The following SLCO5A1 variants were observed in gnomAD, a reference collection of about 807,000 sequenced individuals.
The protein encoded by SLCO5A1 is solute carrier organic anion transporter family member 5A1.
In SLCO5A1, 39 loss-of-function variants were observed where a neutral mutation model predicts 65.1. The ratio of observed to expected loss-of-function variants is 0.60; its 90% confidence interval spans 0.46 to 0.78. SLCO5A1 has a LOEUF of 0.78. Ranked by LOEUF, SLCO5A1 falls within the 30% of genes least tolerant of loss-of-function variation. The probability of loss-of-function intolerance (pLI) is 0.00; values close to 1 mark genes in which losing one functional copy is unlikely to be tolerated. For synonymous variants in SLCO5A1, 438 were observed against 415.7 expected (o/e 1.05, Z -0.65); for missense variants, 1,029 against 1,069.4 (o/e 0.96, Z 0.53).
intron 2 of SLCO5A1, among the ~76,000 whole-genome samples, chr8:69,799,158 A>C (rs1332729130): frequency 2.0e-5 from 3 of 152,228 alleles, no homozygotes; most frequent in Non-Finnish European, 1.5e-5. Flanking sequence ...ACCTGTTTCA[A>C]GTCTGAGTTT....
At chr8:69,733,153 A>G (rs905405446) in intron 5 of SLCO5A1, among the ~76,000 whole-genome samples, 9 of 152,164 alleles carry the variant, frequency 5.9e-5, no homozygotes, top group African/African-American at 2.2e-4. Flanking sequence ...TGTTTTTATT[A>G]TCATCGTTAT....
chr8:69,832,118 T>A lies in SLCO5A1; in HGVS notation c.556A>T (p.Ser186Cys). 6.2e-7 allele frequency: 1 copy of A among 1,614,124 alleles called. No individual in the cohort carries two copies. Among genetic ancestry groups the A allele is most frequent in the African/African-American group, 1.3e-5 (1 of 75,032 alleles). Residue 186 changes from serine to cysteine, a missense_variant, in exon 2 of 10, where the codon AGC becomes TGC. Around this residue, in one of 3 missense-constraint regions of SLCO5A1, gnomAD observed 647 missense variants for 647.5 expected, o/e 1.00. Transcript: ENST00000260126. The surrounding 1 kb of genome is among the most constrained non-coding windows in gnomAD (Gnocchi z 4.5). ...CGCCGACCCCGGCCGCCGAAGTAGC[T>A]GACGAACACCACCACCACCAGGTTC... is the stretch of plus-strand genomic sequence containing the variant. The part of the protein sequence containing the change: ...IGNLVVVVFV[S>C]YFGGRGRRPL...
rs571632715 is a variant in SLCO5A1 at position 69,763,138 on chromosome 8, C to T, written c.908-1263G>A. 3.2e-3 allele frequency among the ~76,000 whole-genome samples: 490 copies of T among 152,032 alleles called. 5 individuals carry two copies. The highest frequency in any genetic ancestry group is 0.011 in the African/African-American group (459 of 41,448). On this transcript the variant is annotated intron_variant, in intron 2 of 9. Coordinates refer to ENST00000260126, the MANE Select transcript of SLCO5A1 (RefSeq NM_030958.3). ...CAGCCTGGCCAACATGGTGAAACCT[C>T]GTCTCTACTAAAAATACAAAATTAG...
intron 2 of SLCO5A1, among the ~76,000 whole-genome samples, chr8:69,820,660 T>A (rs1820593199): frequency 6.6e-6 from 1 of 151,860 alleles, no homozygotes; most frequent in African/African-American, 2.4e-5. Context: ...AATGAGACCA[T>A]GTCTCTACAA....
rs987398089 is a variant in SLCO5A1 at position 69,668,860 on chromosome 8, G to T, written c.*4009C>A. 6.6e-6 allele frequency: 1 copy of T among 151,938 alleles called. No individual in the cohort carries two copies. The highest frequency in any genetic ancestry group is 1.5e-5 in the Non-Finnish European group (1 of 68,002). 9.4% of individuals were successfully genotyped at this position (151,938 alleles called of 1,614,324 possible). On this transcript the variant is annotated 3_prime_UTR_variant, in exon 10 of 10. Transcript: ENST00000260126. Reference sequence around the variant, plus strand: ...CCACTAAAGGTAACAATGTCACAGCGACTAAAGGGAACAATCGGGATCAGT... The same window carrying T: ...CCACTAAAGGTAACAATGTCACAGCTACTAAAGGGAACAATCGGGATCAGT...
rs984963616 is a variant in SLCO5A1 at position 69,670,830 on chromosome 8, A to G, written c.*2039T>C. On this transcript the variant is annotated 3_prime_UTR_variant, in exon 10 of 10. Transcript: ENST00000260126. Reference sequence around the variant, plus strand: ...CAGAAGAAAATTAAGAAAACACCACACCTCTCCAATCTACATATCTTTAAC... The same window carrying G: ...CAGAAGAAAATTAAGAAAACACCACGCCTCTCCAATCTACATATCTTTAAC... The G allele has an allele frequency of 6.6e-6, 1 of 152,056 alleles. No individual in the cohort carries two copies. The highest frequency in any genetic ancestry group is 2.4e-5 in the African/African-American group (1 of 41,366). 9.4% of individuals were successfully genotyped at this position (152,056 alleles called of 1,614,324 possible). A position where few individuals can be genotyped will look rare whatever the true frequency, so the allele number is the denominator to read the frequency against.
At chr8:69,683,607 G>T (rs1187612475) in intron 6 of SLCO5A1, among the ~76,000 whole-genome samples, 1 of 150,448 alleles carries the variant, frequency 6.6e-6, no homozygotes, top group African/African-American at 2.5e-5. Flanking sequence ...CTGTCGCCCA[G>T]GCTGGAGTGC....
chr8:69,747,096 G>T (rs1165096428), intron 4 of SLCO5A1, among the ~76,000 whole-genome samples: 1 of 152,186 alleles, frequency 6.6e-6, no homozygotes, highest in Non-Finnish European at 1.5e-5. Flanking sequence ...CTGTGGCCTA[G>T]ACTCTGGCCT....
chr8:69,684,116 T>C (rs1366818664), intron 6 of SLCO5A1, among the ~76,000 whole-genome samples: 1 of 150,646 alleles, frequency 6.6e-6, no homozygotes, highest in African/African-American at 2.5e-5. Context: ...AAAAAAAGTA[T>C]GACAAGACTC....
chr8:69,723,495 C>A (rs1298891048), intron 5 of SLCO5A1, among the ~76,000 whole-genome samples: 1 of 152,012 alleles, frequency 6.6e-6, no homozygotes, highest in Non-Finnish European at 1.5e-5. Context: ...AAGCCATACT[C>A]CAGTCTCGGC....
intron 2 of SLCO5A1, among the ~76,000 whole-genome samples, chr8:69,768,011 T>C (rs1818151132): frequency 6.6e-6 from 1 of 151,740 alleles, no homozygotes; most frequent in African/African-American, 2.4e-5. Context: ...GGCAGGCTGA[T>C]TGCTTGAGCT....
At chr8:69,715,993 C>G (rs1180043222) in intron 5 of SLCO5A1, among the ~76,000 whole-genome samples, 1 of 152,164 alleles carries the variant, frequency 6.6e-6, no homozygotes, top group Non-Finnish European at 1.5e-5. Context: ...CCTTGCCCCG[C>G]ACTGCTCCAG....
intron 9 of SLCO5A1, among the ~76,000 whole-genome samples, chr8:69,674,337 G>C (rs2130782703): frequency 6.6e-6 from 1 of 152,320 alleles, no homozygotes; most frequent in South Asian, 2.1e-4. Flanking sequence ...AAGAGAGAAA[G>C]GAGGAAGGGA....
chr8:69,748,898 G>A (rs569352729), intron 4 of SLCO5A1, among the ~76,000 whole-genome samples: 4 of 152,232 alleles, frequency 2.6e-5, no homozygotes, highest in Admixed American at 2.0e-4. Flanking sequence ...TTGTAGGCTG[G>A]GTTTGAGAAC....
chr8:69,761,771 G>T lies in SLCO5A1; in HGVS notation c.1012C>A (p.Gln338Lys). ...VDPRNPVHLD[Q>K]NDPRFIGNWW... is the part of the protein sequence containing the mutation. The stretch of plus-strand genomic sequence containing the variant: ...TTTCCAATGAAACGAGGGTCATTCT[G>T]GTCAAGGTGAACAGGATTTCTGGGA... Residue 338 changes from glutamine (Q) to lysine (K), a missense_variant, in exon 3 of 10, where the codon CAG becomes AAG. Physicochemically the swap from Gln to Lys is moderately conservative, Grantham distance 53. Coordinates refer to ENST00000260126, the MANE Select transcript of SLCO5A1 (RefSeq NM_030958.3). 1 of 1,613,794 alleles carries T rather than the reference G, an allele frequency of 6.2e-7. No homozygotes were observed. The highest frequency in any genetic ancestry group is 1.1e-5 in the South Asian group (1 of 91,028).
chr8:69,811,823 T>A (rs1171205865), intron 2 of SLCO5A1, among the ~76,000 whole-genome samples: 2 of 152,216 alleles, frequency 1.3e-5, no homozygotes, highest in Non-Finnish European at 2.9e-5. Flanking sequence ...GATCCCTGCA[T>A]TAACAGAGGC....
chr8:69,793,847 G>T (rs980335564), intron 2 of SLCO5A1, among the ~76,000 whole-genome samples: 4 of 151,922 alleles, frequency 2.6e-5, no homozygotes, highest in African/African-American at 4.8e-5. Context: ...GAGGGAAAGG[G>T]AGTAGAGGAG....
chr8:69,769,623 A>T (rs1818228483), intron 2 of SLCO5A1, among the ~76,000 whole-genome samples: 3 of 152,238 alleles, frequency 2.0e-5, no homozygotes, highest in Admixed American at 2.0e-4. Context: ...TAACATACAT[A>T]CATTATTTAA....
chr8:69,834,602 AC>A (rs1016824719), intron 1 of SLCO5A1, among the ~76,000 whole-genome samples: 1 of 152,016 alleles, frequency 6.6e-6, no homozygotes, highest in Non-Finnish European at 1.5e-5. Flanking sequence ...GGGCGTCCGA[AC>A]CCCCTGCTTA....
Sources: gnomAD v4.1 joint callset for allele counts (sites outside exome capture counted in the v4.1 genomes callset) on GRCh38, gnomAD v4.1.1 for gene constraint, gnomAD v4.1.1 regional missense constraint, Gnocchi (gnomAD v3.1) non-coding constraint, MANE v1.5 for transcripts, NCBI Gene and HGNC (gene_info 2026-07-23, HGNC 2026-07-21) for gene names.